The following A1CF variants were observed in gnomAD, a reference collection of about 807,000 sequenced individuals.
A1CF encodes APOBEC-1 stimulating protein.
A1CF carries 48 observed loss-of-function variants against 68.9 expected under a neutral mutation model. The observed-to-expected ratio is 0.70, with a 90% CI of 0.55 to 0.89. A1CF has a LOEUF of 0.89. Among genes scored for constraint, A1CF ranks in the 40% least tolerant of loss-of-function variants. The pLI, the probability that A1CF is intolerant of heterozygous loss-of-function variation, is 0.00. For missense variants in A1CF, 653 were observed against 718.9 expected (o/e 0.91, Z 1.05); for synonymous variants, 272 against 260.4 (o/e 1.04, Z -0.43).
At chr10:50,813,734 C>A (rs998935185) in intron 10 of A1CF, 123 bp downstream of exon 10, 2 of 941,568 alleles carry the variant, frequency 2.1e-6, no homozygotes, top group Admixed American at 2.5e-5. Context: ...TCATTGGATG[C>A]TTTATATATT....
At chr10:50,816,487 G>A in intron 8 of A1CF, 1 of 569,134 alleles carries the variant, frequency 1.8e-6, no homozygotes. Context: ...ATGCCAACAG[G>A]TTTGACAGTG....
At chr10:50,867,808 A>C (rs1284042722) in intron 1 of A1CF, among the ~76,000 whole-genome samples, 1 of 152,204 alleles carries the variant, frequency 6.6e-6, no homozygotes, top group Non-Finnish European at 1.5e-5. Flanking sequence ...GACTTTAACA[A>C]AAGGATCAGC....
intron 2 of A1CF, among the ~76,000 whole-genome samples, chr10:50,863,411 T>TTC (rs1840837138): frequency 6.6e-6 from 1 of 152,228 alleles, no homozygotes; most frequent in Non-Finnish European, 1.5e-5. Context: ...GAATAGTTCT[T>TTC]AAAGTATCTT....
At chr10:50,847,783 G>A (rs988625004) in intron 3 of A1CF, among the ~76,000 whole-genome samples, 7 of 152,036 alleles carry the variant, frequency 4.6e-5, no homozygotes, top group African/African-American at 1.7e-4. Context: ...CTAAAATTGA[G>A]TTCTGATGCA....
At chr10:50,821,070 T>A (rs972953960) in intron 7 of A1CF, among the ~76,000 whole-genome samples, 2 of 152,222 alleles carry the variant, frequency 1.3e-5, no homozygotes, top group African/African-American at 4.8e-5. Flanking sequence ...CTCTTTTGTC[T>A]TATGTAATTA....
rs570483326 is a variant in A1CF at position 50,819,525 on chromosome 10, C to T, written c.867+1027G>A. Among the ~76,000 whole-genome samples the T allele has an allele frequency of 2.6e-5, 4 of 152,306 alleles. No homozygotes were observed. The East Asian group carries it at 7.7e-4, about 29-fold the overall frequency. ...TTTGACTCCAGAATGCTGTGAGCCC[C>T]AAATTCTGACACTCTTTTTTGATTT... On this transcript the variant is annotated intron_variant, in intron 8 of 12. Transcript: ENST00000373997.
intron 3 of A1CF, among the ~76,000 whole-genome samples, chr10:50,853,198 G>A (rs548170443): frequency 5.3e-5 from 8 of 152,214 alleles, no homozygotes; most frequent in East Asian, 1.9e-4. Context: ...GAAATCCACC[G>A]ACTTATCTGC....
At chr10:50,818,309 C>G (rs899511598) in intron 8 of A1CF, among the ~76,000 whole-genome samples, 1 of 152,098 alleles carries the variant, frequency 6.6e-6, no homozygotes, top group Non-Finnish European at 1.5e-5. Context: ...CTCACTTCAT[C>G]TAACAAATTA....
chr10:50,872,220 A>G (rs113470939), intron 1 of A1CF, among the ~76,000 whole-genome samples: 181 of 152,310 alleles, frequency 1.2e-3, no homozygotes, highest in African/African-American at 4.2e-3. Flanking sequence ...ATGTGGCAAT[A>G]TGTAAAAATA....
chr10:50,826,852 G>C (rs1012376434), intron 7 of A1CF, among the ~76,000 whole-genome samples: 6 of 152,086 alleles, frequency 3.9e-5, no homozygotes, highest in Non-Finnish European at 7.3e-5. Flanking sequence ...TGGATAAAGA[G>C]TCAAGACTCA....
At chr10:50,815,386 GT>G (rs1338601747) in intron 9 of A1CF, among the ~76,000 whole-genome samples, 2 of 151,846 alleles carry the variant, frequency 1.3e-5, no homozygotes, top group Non-Finnish European at 2.9e-5. Context: ...CTGATTGAGG[GT>G]TTTTTTTCTA....
chr10:50,825,173 C>T (rs966596178), intron 7 of A1CF, among the ~76,000 whole-genome samples: 5 of 152,106 alleles, frequency 3.3e-5, no homozygotes, highest in Non-Finnish European at 7.4e-5. Context: ...TGGAAACAGA[C>T]GATGTGAGTA....
intron 3 of A1CF, among the ~76,000 whole-genome samples, chr10:50,851,829 C>G (rs1840258848): frequency 6.6e-6 from 1 of 152,188 alleles, no homozygotes; most frequent in African/African-American, 2.4e-5. Context: ...CTGCTCAGCA[C>G]TTCTTTAACA....
chr10:50,871,803 C>A (rs1180197415), intron 1 of A1CF, among the ~76,000 whole-genome samples: 2 of 152,020 alleles, frequency 1.3e-5, no homozygotes, highest in African/African-American at 4.8e-5. Flanking sequence ...CCTTTAAAAA[C>A]ATTGTGTAAC....
chr10:50,812,917 A>T (rs1049228414), intron 10 of A1CF, among the ~76,000 whole-genome samples: 2 of 152,234 alleles, frequency 1.3e-5, no homozygotes, highest in Non-Finnish European at 2.9e-5. Flanking sequence ...AACCTTAGAT[A>T]AGCTAATTTG....
chr10:50,807,938 G>T (rs1837913046), intron 12 of A1CF, among the ~76,000 whole-genome samples: 1 of 152,180 alleles, frequency 6.6e-6, no homozygotes, highest in Admixed American at 6.5e-5. Flanking sequence ...AACAAAAATT[G>T]AATCCACTCT....
chr10:50,828,012 CTA>C, intron 7 of A1CF, 117 bp downstream of exon 7: 1 of 664,550 alleles, frequency 1.5e-6, no homozygotes, highest in Non-Finnish European at 2.3e-6. Context: ...ATAAACACCT[CTA>C]TGCAAATAAA....
chr10:50,850,389 T>C (rs1840185176), intron 3 of A1CF, among the ~76,000 whole-genome samples: 1 of 152,336 alleles, frequency 6.6e-6, no homozygotes, highest in South Asian at 2.1e-4. Context: ...TATCAACGTT[T>C]GAAGCATTCA....
intron 12 of A1CF, among the ~76,000 whole-genome samples, chr10:50,807,837 T>G (rs972424580): frequency 2.0e-5 from 3 of 152,214 alleles, no homozygotes; most frequent in Non-Finnish European, 4.4e-5. Flanking sequence ...TTAGTTTATG[T>G]GCAGTAGAAG....
Sources: gnomAD v4.1 joint callset for allele counts (sites outside exome capture counted in the v4.1 genomes callset) on GRCh38, gnomAD v4.1.1 for gene constraint, MANE v1.5 for transcripts, NCBI Gene and HGNC (gene_info 2026-07-23, HGNC 2026-07-21) for gene names.